The following ABCB5 variants were observed in gnomAD, a reference collection of about 807,000 sequenced individuals.
The protein encoded by ABCB5 is ATP-binding cassette sub-family B member 5.
A neutral mutation model predicts 144.2 loss-of-function variants in ABCB5; 155 were observed. The ratio of observed to expected loss-of-function variants is 1.08; its 90% CI spans 0.94 to 1.23. The LOEUF is 1.23. Among genes scored for constraint, ABCB5 ranks in the 50% most tolerant of loss-of-function variants. The pLI is 0.00. For missense variants in ABCB5, 1,830 were observed against 1,520.8 expected (o/e 1.20, Z -3.38); for synonymous variants, 610 against 528.6 (o/e 1.15, Z -2.11).
intron 14 of ABCB5, among the ~76,000 whole-genome samples, chr7:20,663,405 C>A (rs569944925): frequency 6.6e-6 from 1 of 152,098 alleles, no homozygotes; most frequent in East Asian, 1.9e-4. Context: ...TGGAATACTA[C>A]CAGTTTTTAA....
At chr7:20,711,845 T>TTTCTTTCTTTC (rs1491581715) in intron 20 of ABCB5, among the ~76,000 whole-genome samples, 2 of 10,238 alleles carry the variant, frequency 2.0e-4, no homozygotes, top group African/African-American at 5.8e-4. Flanking sequence ...TCTTTCTTTC[T>TTTCTTTCTTTC]TTTCTTTCTT....
At chr7:20,659,422 C>T (rs1784924804) in intron 14 of ABCB5, 4 of 1,153,966 alleles carry the variant, frequency 3.5e-6, no homozygotes, top group Non-Finnish European at 4.3e-6. Context: ...AAATCGCAGG[C>T]TTCTTTTTTT....
At chr7:20,651,329 C>T in intron 12 of ABCB5, 91 bp from the exon 13 acceptor site, 1 of 1,129,922 alleles carries the variant, frequency 8.9e-7, no homozygotes, top group Non-Finnish European at 1.3e-6. Context: ...AAATATGCTA[C>T]TTCTCAGCTT....
chr7:20,723,120 G>C lies in ABCB5; in HGVS notation c.2526G>C (p.Leu842=), dbSNP rs767448281. 6.8e-6 allele frequency: 11 copies of C among 1,613,992 alleles called. No homozygotes were observed. In the South Asian group the frequency reaches 1.2e-4, roughly 18 times the overall value. ...GATGGGAGATGACATTCCTGATTCT[G>C]AGTATTGCTCCAGTACTTGCCGTGA... ...IYGWEMTFLI[L]SIAPVLAVTG... is the part of the protein sequence containing the mutation. Residue 842 remains leucine (L), a synonymous_variant, in exon 21 of 28, where the codon CTG becomes CTC. Coordinates refer to ENST00000404938, the MANE Select transcript of ABCB5 (RefSeq NM_001163941.2).
chr7:20,743,920 CA>C (rs1168709644), intron 25 of ABCB5, among the ~76,000 whole-genome samples: 1 of 152,134 alleles, frequency 6.6e-6, no homozygotes, highest in Non-Finnish European at 1.5e-5. Context: ...AAACCTTCCA[CA>C]GTTAGAACAT....
rs186490146 is a variant in ABCB5 at position 20,657,932 on chromosome 7, C to A, written c.1537-574C>A. On this transcript the variant is annotated intron_variant, in intron 13 of 27. Coordinates refer to ENST00000404938, the MANE Select transcript of ABCB5 (RefSeq NM_001163941.2). ...CATGTTTCCTGGGCGCTAGAAGTTA[C>A]CCCTACCACAAATATGGAAGACAAA... 4.0e-4 allele frequency among the ~76,000 whole-genome samples: 61 copies of A among 152,268 alleles called. 1 individual carries two copies. The highest frequency in any genetic ancestry group is 8.1e-4 in the Non-Finnish European group (55 of 68,014).
chr7:20,679,424 T>C (rs1785716528), intron 14 of ABCB5, among the ~76,000 whole-genome samples: 1 of 136,120 alleles, frequency 7.3e-6, no homozygotes, highest in South Asian at 2.3e-4. Flanking sequence ...TGAGCTGAGA[T>C]CATGCCATTG....
chr7:20,705,843 A>G (rs1003617287), intron 20 of ABCB5, among the ~76,000 whole-genome samples: 14 of 151,944 alleles, frequency 9.2e-5, no homozygotes, highest in African/African-American at 2.7e-4. Flanking sequence ...TCTTTGTTTA[A>G]TATACATCGG....
At chr7:20,710,086 A>T (rs747056161) in intron 20 of ABCB5, among the ~76,000 whole-genome samples, 2 of 147,150 alleles carry the variant, frequency 1.4e-5, no homozygotes, top group Non-Finnish European at 3.0e-5. Context: ...AAAAATAGGT[A>T]GCCAGGGGTG....
At chr7:20,688,353 T>C (rs1163919982) in intron 16 of ABCB5, among the ~76,000 whole-genome samples, 3 of 152,164 alleles carry the variant, frequency 2.0e-5, no homozygotes, top group Non-Finnish European at 4.4e-5. Context: ...AGAGAAAGTT[T>C]AGTATAATGA....
intron 5 of ABCB5, among the ~76,000 whole-genome samples, chr7:20,634,294 T>C (rs1394645808): frequency 1.3e-5 from 2 of 150,852 alleles, no homozygotes; most frequent in African/African-American, 2.4e-5. Context: ...TATCCATTCA[T>C]TCACTGATGA....
chr7:20,694,000 C>A (rs1327093315), intron 16 of ABCB5, among the ~76,000 whole-genome samples: 2 of 149,964 alleles, frequency 1.3e-5, no homozygotes, highest in East Asian at 1.9e-4. Context: ...AAAATTGAAT[C>A]TGTGGTTAAA....
At chr7:20,616,277 C>G (rs530762169) in intron 1 of ABCB5, among the ~76,000 whole-genome samples, 4 of 152,154 alleles carry the variant, frequency 2.6e-5, no homozygotes, top group Admixed American at 2.0e-4. Flanking sequence ...CTCAGATGAT[C>G]CAGCCGCCTT....
rs951314955 is a variant in ABCB5 at position 20,744,248 on chromosome 7, T to C, written c.3223-984T>C. On this transcript the variant is annotated intron_variant, in intron 25 of 27. Coordinates refer to ENST00000404938, the MANE Select transcript of ABCB5 (RefSeq NM_001163941.2). ...ATGTCCAGTTAGTTTTTGTATTTTT[T>C]GTAGAAACGGGGTTTCACCATGTTA... Among the ~76,000 whole-genome samples the C allele has an allele frequency of 4.1e-4, 62 of 152,000 alleles. 2 individuals carry two copies. In the Middle Eastern group the frequency reaches 9.5e-3, roughly 23 times the overall value.
chr7:20,656,912 C>CT (rs749816471), intron 13 of ABCB5, among the ~76,000 whole-genome samples: 1,245 of 58,572 alleles, frequency 0.021, 6 homozygotes, highest in African/African-American at 0.049. Flanking sequence ...TTTCCTTTTT[C>CT]TTTTTTTTTT....
At chr7:20,679,578 T>C (rs912945462) in intron 14 of ABCB5, among the ~76,000 whole-genome samples, 7 of 151,148 alleles carry the variant, frequency 4.6e-5, no homozygotes, top group African/African-American at 1.5e-4. Flanking sequence ...CTACAGTATA[T>C]AAACAACTCA....
At chr7:20,650,834 T>C (rs1053785043) in intron 12 of ABCB5, among the ~76,000 whole-genome samples, 3 of 152,134 alleles carry the variant, frequency 2.0e-5, no homozygotes, top group African/African-American at 7.2e-5. Flanking sequence ...AAGAGTTGCA[T>C]AGAATATCCA....
In ABCB5 at chr7:20,651,597, T is replaced by G. The variant is rs1784593224; in HGVS notation, c.1510T>G (p.Tyr504Asp). ...GAGAGCAGCAAGGGAAGCAAATGCGTATGATTTTATCATGGAGTTTCCTAA... is the reference window on the plus strand; with the variant it reads ...GAGAGCAGCAAGGGAAGCAAATGCGGATGATTTTATCATGGAGTTTCCTAA... Reference protein sequence around the residue: ...MERAAREANAYDFIMEFPNKF... With the variant: ...MERAAREANADDFIMEFPNKF... The change falls in exon 13 of 28, where the codon TAT (tyrosine) becomes GAT (aspartate). Residue 504 changes from tyrosine (Y) to aspartate (D), a missense_variant. Tyr to Asp is a radical substitution (Grantham distance 160, BLOSUM62 -3). Transcript: ENST00000404938. 2 of 1,614,116 alleles carry G rather than the reference T, an allele frequency of 1.2e-6. No individual in the cohort carries two copies. Among genetic ancestry groups the G allele is most frequent in the African/African-American group, 2.7e-5 (2 of 75,046 alleles).
chr7:20,722,376 G>GT (rs1413932807), intron 20 of ABCB5, among the ~76,000 whole-genome samples: 1 of 152,154 alleles, frequency 6.6e-6, no homozygotes, highest in Non-Finnish European at 1.5e-5. Context: ...GTAAAATCCT[G>GT]CTAAACTATT....
Sources: allele counts gnomAD v4.1 joint callset (sites outside exome capture counted in the v4.1 genomes callset), GRCh38; gene constraint gnomAD v4.1.1; transcripts MANE v1.5; gene names NCBI Gene and HGNC (gene_info 2026-07-23, HGNC 2026-07-21).